Variants in EXOC4 observed in about 807,000 individuals in gnomAD.
EXOC4 encodes the protein exocyst complex component 4.
Under a neutral mutation model 107.2 loss-of-function variants are expected in EXOC4, and 71 were observed. That is an observed-to-expected ratio of 0.66 (90% CI 0.55 to 0.81). EXOC4 has a LOEUF of 0.81. EXOC4 is among the 30% of genes least tolerant of loss of function. The pLI, the probability that EXOC4 is intolerant of heterozygous loss-of-function variation, is 0.00. For missense variants in EXOC4, 1,108 were observed against 1,189.6 expected (o/e 0.93, Z 1.01); for synonymous variants, 456 against 441.2 (o/e 1.03, Z -0.42).
rs1197135846 is a variant in EXOC4, at chr7:133,402,149, T to A, written c.1182+27147T>A. On this transcript the variant is annotated intron_variant, in intron 7 of 17. Transcript: ENST00000253861. ...ATGAAAATTTTCTTGCGGAAAGTAT[T>A]TAAAACAAGGACAAACTGTAGTTAT... Among the ~76,000 whole-genome samples, 3 of 152,218 alleles carry A rather than the reference T, an allele frequency of 2.0e-5. No individual in the cohort carries two copies. In the East Asian group the frequency reaches 5.8e-4, roughly 29 times the overall value.
chr7:134,050,413 A>G (rs1384983956), intron 17 of EXOC4, among the ~76,000 whole-genome samples: 1 of 152,200 alleles, frequency 6.6e-6, no homozygotes, highest in African/African-American at 2.4e-5. Flanking sequence ...TAACTTTCCC[A>G]AGTTCACAAA....
At chr7:134,013,417 C>A (rs555636310) in intron 17 of EXOC4, among the ~76,000 whole-genome samples, 1 of 152,314 alleles carries the variant, frequency 6.6e-6, no homozygotes, top group Non-Finnish European at 1.5e-5. Context: ...AAAACTATCA[C>A]AGCCAACAGG....
At chr7:133,747,740 C>T (rs944508437) in intron 10 of EXOC4, among the ~76,000 whole-genome samples, 16 of 152,192 alleles carry the variant, frequency 1.1e-4, no homozygotes, top group Admixed American at 1.0e-3. Flanking sequence ...CTCAGAGGAT[C>T]CAACTGACCA....
chr7:134,021,471 T>C (rs1795026353), intron 17 of EXOC4, among the ~76,000 whole-genome samples: 1 of 152,174 alleles, frequency 6.6e-6, no homozygotes, highest in South Asian at 2.1e-4. Context: ...CTCAAAAACA[T>C]AAATGTCACA....
chr7:133,278,199 C>T (rs550483545), intron 2 of EXOC4, among the ~76,000 whole-genome samples: 5 of 152,154 alleles, frequency 3.3e-5, no homozygotes, highest in Admixed American at 6.5e-5. Flanking sequence ...AAATAGATAA[C>T]GTTGAACAAC....
In EXOC4 at chr7:133,330,763, C is replaced by T. The variant is rs532033487; in HGVS notation, c.763+13373C>T. ...GGCAACATCCCATCTTGCTTTGGCT[C>T]GCCCTTGGTGGGCTGCACCCACTGT... On this transcript the variant is annotated intron_variant, in intron 5 of 17. Transcript: ENST00000253861. Among the ~76,000 whole-genome samples the T allele has an allele frequency of 8.5e-5, 13 of 152,122 alleles. No homozygotes were observed. In the East Asian group the frequency reaches 1.7e-3, roughly 20 times the overall value.
In EXOC4 at chr7:133,289,085, G is replaced by A. The variant is rs1794346748; in HGVS notation, c.440G>A (p.Ser147Asn). ...VPQKLEQCMA[S>N]KHYLSATDML... ...CAAAAGCTGGAACAGTGCATGGCCA[G>A]CAAGCACTATCTCAGTGCCACTGAC... is the stretch of plus-strand genomic sequence containing the variant. The change falls in exon 3 of 18, where the codon AGC (serine) becomes AAC (asparagine). Residue 147 changes from serine (S) to asparagine (N), a missense_variant. Coordinates refer to ENST00000253861, the MANE Select transcript of EXOC4 (RefSeq NM_021807.4). 6.2e-7 allele frequency: 1 copy of A among 1,614,100 alleles called. No homozygotes were observed. Among genetic ancestry groups the A allele is most frequent in the East Asian group, 2.2e-5 (1 of 44,880 alleles).
intron 5 of EXOC4, among the ~76,000 whole-genome samples, chr7:133,327,120 G>T (rs891230164): frequency 1.3e-5 from 2 of 152,226 alleles, no homozygotes; most frequent in Non-Finnish European, 2.9e-5. Context: ...GCTTCCTTTG[G>T]CTAGGAAAGG....
At chr7:133,756,770 C>A (rs1795926904) in intron 10 of EXOC4, among the ~76,000 whole-genome samples, 1 of 152,034 alleles carries the variant, frequency 6.6e-6, no homozygotes. Flanking sequence ...ATTATGCAAC[C>A]AAGAAAGTAG....
intron 11 of EXOC4, among the ~76,000 whole-genome samples, chr7:133,871,132 T>C (rs775419216): frequency 7.2e-5 from 11 of 152,206 alleles, no homozygotes; most frequent in Non-Finnish European, 1.3e-4. Flanking sequence ...ATTTCAGGAT[T>C]ATCTATGTTC....
chr7:133,894,020 G>T (rs964917933), intron 11 of EXOC4, among the ~76,000 whole-genome samples: 1 of 98,364 alleles, frequency 1.0e-5, no homozygotes, highest in Non-Finnish European at 1.9e-5. Context: ...ATCCTGCAGA[G>T]TGTTTTCCAA....
intron 8 of EXOC4, chr7:133,479,812 T>C: frequency 2.0e-6 from 1 of 506,244 alleles, no homozygotes; most frequent in South Asian, 2.8e-5. Context: ...CCAGTTGAAA[T>C]GCAGAATAAG....
chr7:133,569,627 A>G (rs1347880403), intron 9 of EXOC4, among the ~76,000 whole-genome samples: 2 of 152,184 alleles, frequency 1.3e-5, no homozygotes, highest in African/African-American at 4.8e-5. Flanking sequence ...TTATATTTCA[A>G]ATGTATATAC....
chr7:133,433,852 G>A (rs1200827429), intron 7 of EXOC4, among the ~76,000 whole-genome samples: 1 of 152,140 alleles, frequency 6.6e-6, no homozygotes, highest in East Asian at 1.9e-4. Context: ...GGTTGACCCT[G>A]GCTATCTCCA....
At chr7:133,332,039 C>A (rs1462200998) in intron 5 of EXOC4, among the ~76,000 whole-genome samples, 2 of 152,096 alleles carry the variant, frequency 1.3e-5, no homozygotes, top group Non-Finnish European at 2.9e-5. Context: ...CTTTTGGACT[C>A]CCAGTATGTC....
chr7:133,641,177 A>G (rs1331097126), intron 10 of EXOC4, among the ~76,000 whole-genome samples: 1 of 152,182 alleles, frequency 6.6e-6, no homozygotes, highest in Non-Finnish European at 1.5e-5. Flanking sequence ...AGACCCTAAC[A>G]TAGTTGTAGT....
chr7:134,086,823 G>A, the EXOC4 span, among the ~76,000 whole-genome samples: 2 of 152,178 alleles, frequency 1.3e-5, no homozygotes, highest in Admixed American at 6.6e-5. Flanking sequence ...CATTTTTATG[G>A]TTATTTCTTG....
chr7:133,276,268 T>C (rs1320090976), intron 2 of EXOC4, among the ~76,000 whole-genome samples: 1 of 152,178 alleles, frequency 6.6e-6, no homozygotes, highest in East Asian at 1.9e-4. Flanking sequence ...ATTTTCATAA[T>C]TGGCCAAAGG....
intron 7 of EXOC4, among the ~76,000 whole-genome samples, chr7:133,416,269 C>G (rs993243682): frequency 6.6e-6 from 1 of 152,132 alleles, no homozygotes; most frequent in Non-Finnish European, 1.5e-5. Context: ...CCTTGTGCAT[C>G]AAATTTGGTG....
Sources: allele counts gnomAD v4.1 joint callset (sites outside exome capture counted in the v4.1 genomes callset), GRCh38; gene constraint gnomAD v4.1.1; transcripts MANE v1.5; gene names NCBI Gene and HGNC (gene_info 2026-07-23, HGNC 2026-07-21).